Variants in FNDC3B observed in about 807,000 individuals in gnomAD.
The protein encoded by FNDC3B is fibronectin type III domain-containing protein 3B.
In FNDC3B, 12 loss-of-function variants were observed where a neutral mutation model predicts 151.5. That is an observed-to-expected ratio of 0.08 (90% CI 0.05 to 0.13). The LOEUF is 0.13. FNDC3B is among the 10% of genes least tolerant of loss of function. The pLI, the probability that FNDC3B is intolerant of heterozygous loss-of-function variation, is 1.00. For synonymous variants in FNDC3B, 528 were observed against 549.0 expected, an observed-to-expected ratio of 0.96 and a Z score of 0.54; for missense variants, 1,214 against 1,505.3, an observed-to-expected ratio of 0.81 and a Z score of 3.20.
intron 3 of FNDC3B, among the ~76,000 whole-genome samples, chr3:172,146,092 C>T (rs1301559423): frequency 6.6e-6 from 1 of 151,970 alleles, no homozygotes; most frequent in Non-Finnish European, 1.5e-5. Flanking sequence ...GGATTACAGG[C>T]GTGAGCCACC....
At chr3:172,238,184 G>C (rs1435452290) in intron 4 of FNDC3B, among the ~76,000 whole-genome samples, 1 of 151,994 alleles carries the variant, frequency 6.6e-6, no homozygotes, top group Non-Finnish European at 1.5e-5. Context: ...TTTAATTTTT[G>C]ATTTTTATTT....
At chr3:172,186,264 T>G (rs1367649996) in intron 3 of FNDC3B, among the ~76,000 whole-genome samples, 3 of 152,226 alleles carry the variant, frequency 2.0e-5, no homozygotes, top group East Asian at 1.9e-4. Flanking sequence ...TTTATCACTG[T>G]TGATGTCTAA....
At chr3:172,093,868 C>T (rs73165343) in intron 1 of FNDC3B, among the ~76,000 whole-genome samples, 2 of 152,296 alleles carry the variant, frequency 1.3e-5, no homozygotes, top group Non-Finnish European at 2.9e-5. Flanking sequence ...TTTAGTAGAT[C>T]TAAGTGAGAA....
chr3:172,145,118 T>C (rs1257920911), intron 3 of FNDC3B, among the ~76,000 whole-genome samples: 1 of 152,170 alleles, frequency 6.6e-6, no homozygotes, highest in African/African-American at 2.4e-5. Flanking sequence ...CCTTTTTGGA[T>C]GCTTTATATA....
intron 3 of FNDC3B, among the ~76,000 whole-genome samples, chr3:172,189,110 G>A (rs963410670): frequency 2.6e-5 from 4 of 152,108 alleles, no homozygotes; most frequent in Non-Finnish European, 5.9e-5. Context: ...CCAAGAAATG[G>A]TGAACTTACC....
At chr3:172,133,298 G>T (rs1056186983) in intron 2 of FNDC3B, among the ~76,000 whole-genome samples, 173 bp from the exon 3 acceptor site, 1 of 152,220 alleles carries the variant, frequency 6.6e-6, no homozygotes, top group African/African-American at 2.4e-5. Flanking sequence ...AAATTTGAAT[G>T]CATGTACTCC....
At chr3:172,239,793 A>T (rs1183321647) in intron 4 of FNDC3B, among the ~76,000 whole-genome samples, 1 of 149,366 alleles carries the variant, frequency 6.7e-6, no homozygotes, top group Non-Finnish European at 1.5e-5. Context: ...AAAAAAAAGA[A>T]AAAAAGCAAA....
chr3:172,099,226 CCTA>C (rs1179072081), intron 1 of FNDC3B, among the ~76,000 whole-genome samples: 1 of 152,096 alleles, frequency 6.6e-6, no homozygotes, highest in Non-Finnish European at 1.5e-5. Context: ...ATTTCAATGT[CCTA>C]CTAATTCCTT....
intron 3 of FNDC3B, among the ~76,000 whole-genome samples, chr3:172,171,673 A>G (rs1422728999): frequency 6.8e-6 from 1 of 147,262 alleles, no homozygotes; most frequent in Non-Finnish European, 1.5e-5. Context: ...TTTACAGCTG[A>G]GCAAAAACAG....
chr3:172,091,585 A>C (rs1718827782), intron 1 of FNDC3B, among the ~76,000 whole-genome samples: 1 of 152,114 alleles, frequency 6.6e-6, no homozygotes, highest in South Asian at 2.1e-4. Flanking sequence ...GTGTGTATGC[A>C]TGCATGCATG....
intron 3 of FNDC3B, among the ~76,000 whole-genome samples, chr3:172,157,901 G>A (rs1049363516): frequency 3.3e-5 from 5 of 152,152 alleles, no homozygotes; most frequent in African/African-American, 1.2e-4. Context: ...AACCTCCAAC[G>A]TGATGGTATT....
At chr3:172,222,448 A>G (rs1427206315) in intron 3 of FNDC3B, among the ~76,000 whole-genome samples, 1 of 152,172 alleles carries the variant, frequency 6.6e-6, no homozygotes, top group African/African-American at 2.4e-5. Flanking sequence ...AGAATGGGTG[A>G]ATGTTGTGAA....
At chr3:172,196,817 G>A (rs11713303) in intron 3 of FNDC3B, among the ~76,000 whole-genome samples, 25,360 of 152,128 alleles carry the variant, frequency 0.17, 2,715 homozygotes, top group Non-Finnish European at 0.23. Context: ...CTCAGAGTAA[G>A]TGAGTTAATT....
At chr3:172,380,895 T>C (rs947125711) in intron 24 of FNDC3B, 71 bp from the exon 25 acceptor site, 119 of 1,547,820 alleles carry the variant, frequency 7.7e-5, no homozygotes, top group Non-Finnish European at 5.9e-5. Context: ...TTCTCACTAA[T>C]AGTGCTAAAG....
chr3:172,337,318 G>T lies in FNDC3B; in HGVS notation c.1781-12G>T, dbSNP rs777036947. 10 of 1,575,106 alleles carry T rather than the reference G, an allele frequency of 6.3e-6. No homozygotes were observed. The South Asian group carries it at 7.9e-5, about 12-fold the overall frequency. On this transcript the variant is annotated splice_polypyrimidine_tract_variant and intron_variant, in intron 15 of 25. Coordinates refer to ENST00000415807, the MANE Select transcript of FNDC3B (RefSeq NM_022763.4). The stretch of plus-strand genomic sequence containing the variant: ...CCTTTTATTGCTAATAAGACATTTG[G>T]TTATTTTCCAGATCCCCCTAAGGAC...
At chr3:172,241,726 G>A (rs1227657081) in intron 4 of FNDC3B, among the ~76,000 whole-genome samples, 1 of 152,162 alleles carries the variant, frequency 6.6e-6, no homozygotes, top group Non-Finnish European at 1.5e-5. Flanking sequence ...TGCAAGATGA[G>A]ATTTGGTTGG....
chr3:172,238,774 C>T (rs1298689318), intron 4 of FNDC3B, among the ~76,000 whole-genome samples: 2 of 152,114 alleles, frequency 1.3e-5, no homozygotes, highest in African/African-American at 4.8e-5. Flanking sequence ...CATTTGTACT[C>T]CTGATTGGTG....
intron 7 of FNDC3B, among the ~76,000 whole-genome samples, chr3:172,290,119 T>C (rs1730247649): frequency 6.6e-6 from 1 of 152,208 alleles, no homozygotes; most frequent in South Asian, 2.1e-4. Context: ...TATTTAATTT[T>C]GTGTTCCTTT....
At chr3:172,227,246 C>T (rs1193764269) in intron 4 of FNDC3B, 1 of 236,748 alleles carries the variant, frequency 4.2e-6, no homozygotes, top group Non-Finnish European at 8.2e-6. Context: ...CATTTCCTTC[C>T]ACCTGTAATA....
Sources: gnomAD v4.1 joint callset for allele counts (sites outside exome capture counted in the v4.1 genomes callset) on GRCh38, gnomAD v4.1.1 for gene constraint, MANE v1.5 for transcripts, NCBI Gene and HGNC (gene_info 2026-07-23, HGNC 2026-07-21) for gene names.